The following ENAH variants were observed in gnomAD, a reference collection of about 807,000 sequenced individuals.
The protein encoded by ENAH is protein enabled homolog.
Under a neutral mutation model 78.7 loss-of-function variants are expected in ENAH, and 23 were observed. The ratio of observed to expected loss-of-function variants is 0.29; its 90% CI spans 0.21 to 0.41. The LOEUF (loss-of-function observed/expected upper bound fraction) is 0.41. ENAH is among the 10% of genes least tolerant of loss of function. The pLI, the probability that ENAH is intolerant of heterozygous loss-of-function variation, is 1.00. For missense variants in ENAH, 544 were observed against 691.0 expected (o/e 0.79, Z 2.39); for synonymous variants, 226 against 241.0 (o/e 0.94, Z 0.58).
chr1:225,616,799 C>A (rs1489365437), intron 1 of ENAH, among the ~76,000 whole-genome samples: 1 of 152,024 alleles, frequency 6.6e-6, no homozygotes, highest in East Asian at 1.9e-4. Context: ...CTAACTCCAC[C>A]CATTAAATTA....
At chr1:225,571,846 G>A (rs1041925060) in intron 1 of ENAH, among the ~76,000 whole-genome samples, 2 of 152,138 alleles carry the variant, frequency 1.3e-5, no homozygotes, top group Non-Finnish European at 2.9e-5. Context: ...CTTGGAAAGG[G>A]CAGGAAAAGA....
intron 1 of ENAH, among the ~76,000 whole-genome samples, chr1:225,570,881 T>G (rs1005565155): frequency 2.0e-5 from 3 of 151,958 alleles, no homozygotes; most frequent in African/African-American, 7.3e-5. Context: ...GAGAATCGCT[T>G]GAACCTGGGA....
rs1268959084 is a variant in ENAH at position 225,507,758 on chromosome 1, A to G, written c.1538+193T>C. On this transcript the variant is annotated intron_variant, in intron 11 of 13. Transcript: ENST00000366843. The stretch of plus-strand genomic sequence containing the variant: ...ATCTGGTTAATAAATGTAGGGTAGA[A>G]TTTATCAATCACTAGTAATGTAGAT... Among the ~76,000 whole-genome samples the G allele has an allele frequency of 3.3e-5, 5 of 152,272 alleles. No homozygotes were observed. In the South Asian group the frequency reaches 1.0e-3, roughly 32 times the overall value.
At chr1:225,519,048 A>G in intron 5 of ENAH, 150 bp downstream of exon 5, 1 of 1,200,398 alleles carries the variant, frequency 8.3e-7, no homozygotes, top group South Asian at 1.6e-5. Context: ...AAAATGTTAA[A>G]GTAGTAATTG....
chr1:225,621,212 C>A (rs1411645845), intron 1 of ENAH, among the ~76,000 whole-genome samples: 1 of 152,172 alleles, frequency 6.6e-6, no homozygotes, highest in Non-Finnish European at 1.5e-5. Flanking sequence ...CTTGGTGTGA[C>A]CTTTCACACC....
rs193269680 is a variant in ENAH at position 225,490,388 on chromosome 1, C to T, written c.*7387G>A. 1 of 152,242 alleles carries T rather than the reference C, an allele frequency of 6.6e-6. No individual in the cohort carries two copies. Among genetic ancestry groups the T allele is most frequent in the African/African-American group, 2.4e-5 (1 of 41,536 alleles). The allele number at this position is 152,242 out of a possible 1,614,324, so 9.4% of individuals were successfully genotyped here. A position where few individuals can be genotyped will look rare whatever the true frequency, so the allele number is the denominator to read the frequency against. ...AGGAGTTCAAGACCAGCCTGGGCAA[C>T]ATGGTGAAACCCCATCTCTACTAAA... On this transcript the variant is annotated 3_prime_UTR_variant, in exon 14 of 14. Transcript: ENST00000366843.
chr1:225,531,774 G>A (rs983652045), intron 3 of ENAH, among the ~76,000 whole-genome samples: 8 of 151,982 alleles, frequency 5.3e-5, no homozygotes, highest in South Asian at 2.1e-4. Context: ...TTTCACAACC[G>A]GAAGTAAAGA....
rs1429480067 is a variant in ENAH at position 225,494,297 on chromosome 1, A to G, written c.*3478T>C. On this transcript the variant is annotated 3_prime_UTR_variant, in exon 14 of 14. Coordinates refer to ENST00000366843, the MANE Select transcript of ENAH (RefSeq NM_018212.6). ...ACTCAAAATTAATACTTTATAATAGAGAAAAAGTACTACTGCTTATATGTA... is the reference window on the plus strand; with the variant it reads ...ACTCAAAATTAATACTTTATAATAGGGAAAAAGTACTACTGCTTATATGTA... 1 of 152,136 alleles carries G rather than the reference A, an allele frequency of 6.6e-6. No individual in the cohort carries two copies. The highest frequency in any genetic ancestry group is 1.5e-5 in the Non-Finnish European group (1 of 68,000). The allele number at this position is 152,136 out of a possible 1,614,324, so 9.4% of individuals were successfully genotyped here. A position where few individuals can be genotyped will look rare whatever the true frequency, so the allele number is the denominator to read the frequency against.
chr1:225,619,538 C>A (rs746860434), intron 1 of ENAH, among the ~76,000 whole-genome samples: 15 of 152,224 alleles, frequency 9.9e-5, no homozygotes, highest in Non-Finnish European at 1.8e-4. Flanking sequence ...AGTAAGACCC[C>A]ATCTCAAAAA....
At position 225,490,052 on chromosome 1, in the gene ENAH, C is replaced by G. The variant is rs900015954; in HGVS notation, c.*7723G>C. ...ACAAAAAGAATTTAAAAAAAGAACTCAACTTTAGAGGTAGAAGGCTCAGAG... is the reference window on the plus strand; with the variant it reads ...ACAAAAAGAATTTAAAAAAAGAACTGAACTTTAGAGGTAGAAGGCTCAGAG... On this transcript the variant is annotated 3_prime_UTR_variant, in exon 14 of 14. Transcript: ENST00000366843. 2 of 152,012 alleles carry G rather than the reference C, an allele frequency of 1.3e-5. No homozygotes were observed. Among genetic ancestry groups the G allele is most frequent in the Admixed American group, 1.3e-4 (2 of 15,248 alleles). The allele number at this position is 152,012 out of a possible 1,614,324, so 9.4% of individuals were successfully genotyped here.
intron 1 of ENAH, among the ~76,000 whole-genome samples, chr1:225,631,190 A>T (rs1658956819): frequency 6.6e-6 from 1 of 152,196 alleles, no homozygotes; most frequent in Non-Finnish European, 1.5e-5. Context: ...GCATAGCAAC[A>T]AGATTCTGCA....
intron 3 of ENAH, among the ~76,000 whole-genome samples, chr1:225,549,349 AT>A (rs1360554221): frequency 6.6e-6 from 1 of 152,120 alleles, no homozygotes; most frequent in Non-Finnish European, 1.5e-5. Context: ...GCAGCACAGT[AT>A]TTCCTCTTCC....
intron 7 of ENAH, 108 bp downstream of exon 7, chr1:225,514,488 T>C: frequency 1.1e-6 from 1 of 950,362 alleles, no homozygotes. Flanking sequence ...ATTTTTTAAA[T>C]CAATGAAGTT....
intron 1 of ENAH, among the ~76,000 whole-genome samples, chr1:225,568,379 A>C (rs1213438699): frequency 6.6e-6 from 1 of 152,212 alleles, no homozygotes; most frequent in Non-Finnish European, 1.5e-5. Flanking sequence ...TTTAAAATAA[A>C]ATATAAAGAT....
intron 3 of ENAH, among the ~76,000 whole-genome samples, chr1:225,539,425 T>A (rs1229145376): frequency 6.6e-6 from 1 of 152,210 alleles, no homozygotes; most frequent in Non-Finnish European, 1.5e-5. Context: ...AGTACATATA[T>A]ATAAATGATA....
intron 1 of ENAH, among the ~76,000 whole-genome samples, chr1:225,643,298 A>G (rs1193148800): frequency 5.9e-5 from 9 of 152,268 alleles, no homozygotes; most frequent in East Asian, 1.9e-4. Flanking sequence ...AAGAGATAAC[A>G]GTGGCCTGGA....
intron 1 of ENAH, among the ~76,000 whole-genome samples, chr1:225,580,931 AGC>A (rs2096813862): frequency 1.3e-5 from 2 of 151,226 alleles, no homozygotes. Flanking sequence ...AAAAAAAAAA[AGC>A]CAAGATTACC....
At chr1:225,638,237 G>C (rs937565640) in intron 1 of ENAH, among the ~76,000 whole-genome samples, 5 of 152,052 alleles carry the variant, frequency 3.3e-5, no homozygotes, top group African/African-American at 1.2e-4. Context: ...AAAAAAAGCA[G>C]CCTCAACATT....
At position 225,532,935 on chromosome 1, in the gene ENAH, T is replaced by C. The variant is rs367892105; in HGVS notation, c.350-2297A>G. ...CAACTCTTAACAATTCTTTTCTACA[T>C]GGTTCTTTGTGATGATAATGGATTT... On this transcript the variant is annotated intron_variant, in intron 3 of 13. Transcript: ENST00000366843. 1.3e-3 allele frequency among the ~76,000 whole-genome samples: 205 copies of C among 152,200 alleles called. 1 individual carries two copies. Among genetic ancestry groups the C allele is most frequent in the African/African-American group, 4.9e-3 (203 of 41,556 alleles).
Sources: allele counts gnomAD v4.1 joint callset (sites outside exome capture counted in the v4.1 genomes callset), GRCh38; gene constraint gnomAD v4.1.1; transcripts MANE v1.5; gene names NCBI Gene and HGNC (gene_info 2026-07-23, HGNC 2026-07-21).